The following UTRN variants were observed in gnomAD, a reference collection of about 807,000 sequenced individuals.
The protein encoded by UTRN is utrophin, also known as dystrophin-related protein 1.
Under a neutral mutation model 463.9 loss-of-function variants are expected in UTRN, and 283 were observed. The ratio of observed to expected loss-of-function variants is 0.61; its 90% CI spans 0.55 to 0.67. The LOEUF (loss-of-function observed/expected upper bound fraction) is 0.67, where lower values mean the gene tolerates loss of function less well. Ranked by LOEUF, UTRN falls within the 30% of genes least tolerant of loss-of-function variation. The probability of loss-of-function intolerance (pLI) is 0.00; values close to 1 mark genes in which losing one functional copy is unlikely to be tolerated. For synonymous variants in UTRN, 1,442 were observed against 1,431.5 expected (o/e 1.01, Z -0.17); for missense variants, 3,922 against 4,084.3 (o/e 0.96, Z 1.08).
chr6:144,670,383 T>A (rs982239144), intron 51 of UTRN, among the ~76,000 whole-genome samples: 45 of 152,256 alleles, frequency 3.0e-4, no homozygotes, highest in Admixed American at 5.2e-4. Context: ...ATTAGTGATG[T>A]TGAGCATTTT....
chr6:144,669,674 T>G (rs929443913), intron 51 of UTRN, among the ~76,000 whole-genome samples: 2 of 152,238 alleles, frequency 1.3e-5, no homozygotes, highest in African/African-American at 2.4e-5. Context: ...GAGATTTTGG[T>G]GCACCCATCA....
chr6:144,649,191 G>T (rs959021671), intron 51 of UTRN, among the ~76,000 whole-genome samples: 1 of 152,100 alleles, frequency 6.6e-6, no homozygotes, highest in African/African-American at 2.4e-5. Flanking sequence ...AACAAAACAC[G>T]AGGAGGCTAT....
chr6:144,576,955 A>G, intron 50 of UTRN, 144 bp from the exon 51 acceptor site: 2 of 667,318 alleles, frequency 3.0e-6, no homozygotes, highest in East Asian at 2.8e-5. Context: ...ACACACATAC[A>G]GATAAATCTC....
At chr6:144,456,825 G>A (rs1186374426) in intron 19 of UTRN, among the ~76,000 whole-genome samples, 1 of 152,100 alleles carries the variant, frequency 6.6e-6, no homozygotes, top group South Asian at 2.1e-4. Context: ...GGATAATGTG[G>A]CTTTATGAAT....
In UTRN at chr6:144,533,259, A is replaced by T. The variant is rs763853208; in HGVS notation, c.6232A>T (p.Arg2078Trp). The T allele has an allele frequency of 6.2e-7, 1 of 1,613,928 alleles. No individual in the cohort carries two copies. Residue 2078 changes from arginine (R) to tryptophan (W), a missense_variant and splice_region_variant, in exon 43 of 75, where the codon AGG becomes TGG. By Grantham distance (101) the Arg-to-Trp change is moderately radical. Coordinates refer to ENST00000367545, the MANE Select transcript of UTRN (RefSeq NM_007124.3). ...TGCAGAAGTGAAGGATAGGCAGCCA[A>T]GGTGATTTAGCTATGATTGTTTGCA... The part of the protein sequence containing the change: ...IVAEVKDRQP[R>W]LKGESKQVMK...
At chr6:144,653,465 A>T (rs1396510037) in intron 51 of UTRN, among the ~76,000 whole-genome samples, 1 of 152,064 alleles carries the variant, frequency 6.6e-6, no homozygotes, top group East Asian at 1.9e-4. Flanking sequence ...AGGCGCCTGT[A>T]GTCCCAGCTA....
chr6:144,719,037 C>T (rs1786812595), intron 53 of UTRN, among the ~76,000 whole-genome samples: 1 of 152,150 alleles, frequency 6.6e-6, no homozygotes, highest in South Asian at 2.1e-4. Context: ...ATAATGTCTT[C>T]TATGGGGGCT....
intron 2 of UTRN, among the ~76,000 whole-genome samples, chr6:144,301,612 C>T (rs1805264956): frequency 7.2e-6 from 1 of 138,350 alleles, no homozygotes; most frequent in East Asian, 2.2e-4. Context: ...GACTCAATTT[C>T]AGCCCTCCGC....
chr6:144,477,237 T>A (rs1791312533), intron 25 of UTRN, among the ~76,000 whole-genome samples: 1 of 152,068 alleles, frequency 6.6e-6, no homozygotes, highest in Non-Finnish European at 1.5e-5. Flanking sequence ...CTGAAGTGAG[T>A]GACAAAGCAG....
At chr6:144,426,499 C>T (rs767590548) in intron 7 of UTRN, 40 bp downstream of exon 7, 1 of 1,565,688 alleles carries the variant, frequency 6.4e-7, no homozygotes, top group East Asian at 2.3e-5. Flanking sequence ...TTTACAAATT[C>T]ATGTCTCCTC....
Position 144,415,715 on chromosome 6 carries a change from A to G in UTRN, c.142-6163A>G, listed in dbSNP as rs147961449. On this transcript the variant is annotated intron_variant, in intron 3 of 74. Coordinates refer to ENST00000367545, the MANE Select transcript of UTRN (RefSeq NM_007124.3). ...ATGCCCATTAGGGTAAATCAGGGAAATTGACACAATGTGGTCTGCACATTA... is the reference window on the plus strand; with the variant it reads ...ATGCCCATTAGGGTAAATCAGGGAAGTTGACACAATGTGGTCTGCACATTA... Among the ~76,000 whole-genome samples the G allele has an allele frequency of 6.6e-5, 10 of 152,346 alleles. No homozygotes were observed. The East Asian group carries it at 1.9e-3, about 29-fold the overall frequency.
intron 3 of UTRN, among the ~76,000 whole-genome samples, chr6:144,419,885 C>A (rs1325664700): frequency 6.6e-6 from 1 of 152,004 alleles, no homozygotes; most frequent in African/African-American, 2.4e-5. Flanking sequence ...GAATGGTAAG[C>A]TGTTGAGTGT....
chr6:144,594,145 A>C (rs536084814), intron 51 of UTRN, among the ~76,000 whole-genome samples: 2 of 152,236 alleles, frequency 1.3e-5, no homozygotes, highest in East Asian at 3.8e-4. Flanking sequence ...CTAGAATTAA[A>C]TTATAGATTT....
chr6:144,840,398 A>G (rs1781466054), intron 72 of UTRN, among the ~76,000 whole-genome samples: 1 of 152,158 alleles, frequency 6.6e-6, no homozygotes, highest in African/African-American at 2.4e-5. Flanking sequence ...TTTTGTATGA[A>G]AACATACCTG....
At chr6:144,682,595 C>T (rs1384658415) in intron 52 of UTRN, among the ~76,000 whole-genome samples, 2 of 152,146 alleles carry the variant, frequency 1.3e-5, no homozygotes, top group Admixed American at 6.5e-5. Flanking sequence ...CTTACATTCC[C>T]ACCAACAGTT....
intron 45 of UTRN, among the ~76,000 whole-genome samples, chr6:144,541,753 T>C (rs1797992362): frequency 6.6e-6 from 1 of 152,174 alleles, no homozygotes; most frequent in Non-Finnish European, 1.5e-5. Flanking sequence ...CAGGTAGTGA[T>C]GGGTACATAA....
intron 66 of UTRN, among the ~76,000 whole-genome samples, chr6:144,822,660 G>T (rs1193165180): frequency 6.6e-6 from 1 of 152,056 alleles, no homozygotes; most frequent in Non-Finnish European, 1.5e-5. Flanking sequence ...TGATTTGTGG[G>T]TATGCTTTTG....
chr6:144,497,933 C>CT (rs1165842944), intron 33 of UTRN, among the ~76,000 whole-genome samples: 1 of 152,082 alleles, frequency 6.6e-6, no homozygotes, highest in African/African-American at 2.4e-5. Flanking sequence ...TCAACCAAGT[C>CT]TTAAGAATTA....
intron 51 of UTRN, among the ~76,000 whole-genome samples, chr6:144,608,302 A>G (rs1459513322): frequency 6.6e-6 from 1 of 152,170 alleles, no homozygotes; most frequent in Non-Finnish European, 1.5e-5. Flanking sequence ...CAGTCTGCTG[A>G]CTTATTCTGC....
Sources: gnomAD v4.1 joint callset for allele counts (sites outside exome capture counted in the v4.1 genomes callset) on GRCh38, gnomAD v4.1.1 for gene constraint, MANE v1.5 for transcripts, NCBI Gene and HGNC (gene_info 2026-07-23, HGNC 2026-07-21) for gene names.